Variants in IFT88 observed in about 807,000 individuals in gnomAD.
IFT88 encodes the protein intraflagellar transport protein 88 homolog.
IFT88 carries 74 observed loss-of-function variants against 119.5 expected under a neutral mutation model. That is an observed-to-expected ratio of 0.62 (90% CI 0.51 to 0.75). The LOEUF (loss-of-function observed/expected upper bound fraction) is 0.75, where lower values mean the gene tolerates loss of function less well. IFT88 is among the 30% of genes least tolerant of loss of function. IFT88 has a pLI of 0.00. For missense variants in IFT88, 961 were observed against 977.7 expected, an observed-to-expected ratio of 0.98 and a Z score of 0.23; for synonymous variants, 279 against 316.7, an observed-to-expected ratio of 0.88 and a Z score of 1.26.
intron 12 of IFT88, among the ~76,000 whole-genome samples, chr13:20,603,312 C>G (rs547337107): frequency 6.7e-6 from 1 of 149,634 alleles, no homozygotes; most frequent in Non-Finnish European, 1.5e-5. Flanking sequence ...CACTTGAACC[C>G]GGAAGGTGGA....
chr13:20,617,919 G>A (rs2045894692), intron 14 of IFT88, among the ~76,000 whole-genome samples: 1 of 151,806 alleles, frequency 6.6e-6, no homozygotes, highest in African/African-American at 2.4e-5. Context: ...TCAGCCTCCC[G>A]AGTAGCTGAG....
At chr13:20,648,201 G>A (rs2051035457) in intron 20 of IFT88, among the ~76,000 whole-genome samples, 1 of 152,160 alleles carries the variant, frequency 6.6e-6, no homozygotes, top group Non-Finnish European at 1.5e-5. Flanking sequence ...TTCAAGACCA[G>A]CCTGTCCATC....
chr13:20,656,537 A>G lies in IFT88; in HGVS notation c.2068+107A>G, dbSNP rs936804870. ...TAATTGTATACGTAAATACCAACCT[A>G]TAATTTGTGATACATATTTTAAATA... On this transcript the variant is annotated intron_variant, in intron 22 of 25. Coordinates refer to ENST00000351808, the MANE Select transcript of IFT88 (RefSeq NM_006531.5). The G allele has an allele frequency of 2.6e-5, 11 of 417,454 alleles. No homozygotes were observed. The Admixed American group carries it at 3.1e-4, about 12-fold the overall frequency. 25.9% of individuals were successfully genotyped at this position (417,454 alleles called of 1,614,324 possible). A position where few individuals can be genotyped will look rare whatever the true frequency, so the allele number is the denominator to read the frequency against.
Position 20,618,466 on chromosome 13 carries a change from A to G in IFT88, c.1199+2587A>G, listed in dbSNP as rs563542724. Among the ~76,000 whole-genome samples, 76 of 152,302 alleles carry G rather than the reference A, an allele frequency of 5.0e-4. No homozygotes were observed. In the South Asian group the frequency reaches 0.016, roughly 31 times the overall value. The stretch of plus-strand genomic sequence containing the variant: ...AATCAGGGGATTTTAAATAGTCCCA[A>G]CACACAGGCTGCGTGGTAGACTAGT... On this transcript the variant is annotated intron_variant, in intron 14 of 25. Transcript: ENST00000351808.
intron 23 of IFT88, among the ~76,000 whole-genome samples, chr13:20,669,312 C>T (rs17055401): frequency 0.21 from 32,237 of 152,112 alleles, 3,956 homozygotes; most frequent in African/African-American, 0.31. Context: ...TACTTACCTT[C>T]GCATATCCTG....
rs1031963641 is a variant in IFT88 at position 20,673,962 on chromosome 13, TC to T, written c.2242+2928del. On this transcript the variant is annotated intron_variant, in intron 24 of 25. Coordinates refer to ENST00000351808, the MANE Select transcript of IFT88 (RefSeq NM_006531.5). ...TCATCAGTCCCTTCCTAGGGTGCTT[TC>T]CCCCATCATTTGCCTTTTCGTTCCT... Among the ~76,000 whole-genome samples, 3 of 152,144 alleles carry T rather than the reference TC, an allele frequency of 2.0e-5. No individual in the cohort carries two copies. In the East Asian group the frequency reaches 5.8e-4, roughly 29 times the overall value.
intron 24 of IFT88, among the ~76,000 whole-genome samples, chr13:20,672,189 G>A (rs950581423): frequency 6.6e-5 from 10 of 152,176 alleles, no homozygotes; most frequent in Admixed American, 3.3e-4. Flanking sequence ...AGGAGTCTTC[G>A]TCCCAATTGC....
At chr13:20,572,702 C>T (rs573775064) in intron 1 of IFT88, among the ~76,000 whole-genome samples, 57 of 152,224 alleles carry the variant, frequency 3.7e-4, no homozygotes, top group African/African-American at 1.1e-3. Flanking sequence ...TACACTTGTG[C>T]GACTCAAACC....
At chr13:20,608,739 C>T (rs947444687) in intron 13 of IFT88, among the ~76,000 whole-genome samples, 1 of 152,284 alleles carries the variant, frequency 6.6e-6, no homozygotes, top group South Asian at 2.1e-4. Flanking sequence ...CCAGTCATCC[C>T]CTTAATAGTT....
intron 14 of IFT88, among the ~76,000 whole-genome samples, chr13:20,618,126 T>TAG (rs2139725924): frequency 6.6e-6 from 1 of 152,200 alleles, no homozygotes; most frequent in South Asian, 2.1e-4. Flanking sequence ...TTCACCATGT[T>TAG]AGCCAGGATG....
At chr13:20,626,551 C>T (rs1025721472) in intron 15 of IFT88, among the ~76,000 whole-genome samples, 6 of 152,130 alleles carry the variant, frequency 3.9e-5, no homozygotes, top group Non-Finnish European at 8.8e-5. Flanking sequence ...AGAGCAGCTT[C>T]CTTGTAGTCT....
intron 13 of IFT88, among the ~76,000 whole-genome samples, chr13:20,615,338 C>T (rs577401071): frequency 2.0e-5 from 3 of 152,114 alleles, no homozygotes; most frequent in Non-Finnish European, 2.9e-5. Context: ...TATGTACGTA[C>T]GTGTACATAT....
intron 1 of IFT88, chr13:20,567,722 G>A (rs2035181515): frequency 7.9e-7 from 1 of 1,262,682 alleles, no homozygotes; most frequent in South Asian, 2.8e-5. Context: ...GAAGATAAAA[G>A]TACACAACAA....
chr13:20,605,679 A>G (rs1376642764), intron 13 of IFT88, among the ~76,000 whole-genome samples: 1 of 152,056 alleles, frequency 6.6e-6, no homozygotes, highest in African/African-American at 2.4e-5. Context: ...GTTCCTCACT[A>G]CAGATGCCAG....
chr13:20,691,330 T>C lies in IFT88; in HGVS notation c.*155T>C, dbSNP rs139478027. ...TCTGTATGTATGCATTTAAGTTGTT[T>C]TTTTCTTTTAAGGAATAAAAACAGG... is the stretch of plus-strand genomic sequence containing the variant. On this transcript the variant is annotated 3_prime_UTR_variant, in exon 26 of 26. Coordinates refer to ENST00000351808, the MANE Select transcript of IFT88 (RefSeq NM_006531.5). The C allele has an allele frequency of 2.9e-3, 1,876 of 654,554 alleles. 5 individuals are homozygous for C. Among genetic ancestry groups the C allele is most frequent in the Non-Finnish European group, 4.1e-3 (1,717 of 417,976 alleles). The allele number at this position is 654,554 out of a possible 1,614,324, so 40.5% of individuals were successfully genotyped here.
In IFT88 at chr13:20,587,338, A is replaced by G. The variant is rs1028252311; in HGVS notation, c.154-2473A>G. Among the ~76,000 whole-genome samples the G allele has an allele frequency of 3.3e-5, 5 of 151,822 alleles. No individual in the cohort carries two copies. In the South Asian group the frequency reaches 8.4e-4, roughly 25 times the overall value. ...AGTGGCATGACCTTGGCTCACTGCA[A>G]CGTCCACCTCCTGGGTTCAAGCAAT... On this transcript the variant is annotated intron_variant, in intron 3 of 25. Transcript: ENST00000351808.
At chr13:20,575,077 G>A (rs1412332916) in intron 2 of IFT88, among the ~76,000 whole-genome samples, 1 of 77,200 alleles carries the variant, frequency 1.3e-5, no homozygotes, top group Non-Finnish European at 2.8e-5. Context: ...TTTTTTTTTT[G>A]TACCTATTAA....
chr13:20,681,493 G>A (rs2057314179), intron 24 of IFT88, among the ~76,000 whole-genome samples: 1 of 152,246 alleles, frequency 6.6e-6, no homozygotes, highest in Non-Finnish European at 1.5e-5. Context: ...AGGTAATGCT[G>A]TATCTGCGTT....
chr13:20,607,657 C>A (rs2043741739), intron 13 of IFT88: 5 of 881,436 alleles, frequency 5.7e-6, no homozygotes, highest in Non-Finnish European at 9.6e-6. Context: ...TTCTGGTGGA[C>A]CTCTCAGCTT....
Sources: allele counts gnomAD v4.1 joint callset (sites outside exome capture counted in the v4.1 genomes callset), GRCh38; gene constraint gnomAD v4.1.1; transcripts MANE v1.5; gene names NCBI Gene and HGNC (gene_info 2026-07-23, HGNC 2026-07-21).